Variants in ARSK observed in about 807,000 individuals in gnomAD.
The protein encoded by ARSK is arylsulfatase K.
ARSK carries 37 observed loss-of-function variants against 53.2 expected under a neutral mutation model. That is an observed-to-expected ratio of 0.70 (90% CI 0.54 to 0.92). The LOEUF is 0.92. ARSK is among the 40% of genes least tolerant of loss of function. ARSK has a pLI of 0.00. For missense variants in ARSK, 613 were observed against 643.0 expected (o/e 0.95, Z 0.51); for synonymous variants, 208 against 223.2 (o/e 0.93, Z 0.61).
At chr5:95,556,187 G>A (rs1325653488) in intron 1 of ARSK, 3 of 702,268 alleles carry the variant, frequency 4.3e-6, no homozygotes, top group Non-Finnish European at 7.8e-6. Flanking sequence ...GTAATCATAT[G>A]TTGTATTTCC....
chr5:95,595,134 T>C (rs1435767291), intron 6 of ARSK, among the ~76,000 whole-genome samples: 2 of 152,158 alleles, frequency 1.3e-5, no homozygotes, highest in African/African-American at 4.8e-5. Context: ...CACAATGAGA[T>C]AGCATCTCAT....
At chr5:95,566,557 C>CT (rs937546923) in intron 2 of ARSK, among the ~76,000 whole-genome samples, 2 of 152,074 alleles carry the variant, frequency 1.3e-5, no homozygotes, top group African/African-American at 4.8e-5. Context: ...TGAATTTTTT[C>CT]TTATTATTTC....
At chr5:95,561,890 T>G (rs1000164381) in intron 1 of ARSK, among the ~76,000 whole-genome samples, 2 of 152,190 alleles carry the variant, frequency 1.3e-5, no homozygotes, top group East Asian at 3.9e-4. Context: ...TTTAGTGTGT[T>G]AATTATATCT....
chr5:95,573,927 G>A (rs1188374260), intron 3 of ARSK, among the ~76,000 whole-genome samples: 2 of 152,090 alleles, frequency 1.3e-5, no homozygotes, highest in African/African-American at 4.8e-5. Context: ...ATTGACTATA[G>A]TCACCCTGTT....
At chr5:95,600,531 T>C in intron 6 of ARSK, 1 of 462,822 alleles carries the variant, frequency 2.2e-6, no homozygotes, top group Non-Finnish European at 4.1e-6. Flanking sequence ...CCAGGCATTG[T>C]CCTCAGAGTT....
At chr5:95,591,109 C>T (rs1445703482) in intron 5 of ARSK, among the ~76,000 whole-genome samples, 3 of 152,084 alleles carry the variant, frequency 2.0e-5, no homozygotes, top group Non-Finnish European at 4.4e-5. Context: ...AAGATTTTTT[C>T]CCCTATTCTC....
At position 95,604,476 on chromosome 5, in the gene ARSK, T is replaced by C. The variant is rs1749466951; in HGVS notation, c.*950T>C. 1 of 152,184 alleles carries C rather than the reference T, an allele frequency of 6.6e-6. No homozygotes were observed. The highest frequency in any genetic ancestry group is 2.4e-5 in the African/African-American group (1 of 41,456). 9.4% of individuals were successfully genotyped at this position (152,184 alleles called of 1,614,324 possible). ...ACAAATTTATAAACAAATGTATATA[T>C]TCCTTTCCCCCTACACAAACGGTAA... On this transcript the variant is annotated 3_prime_UTR_variant, in exon 8 of 8. Transcript: ENST00000380009.
chr5:95,597,720 C>T (rs906739134), intron 6 of ARSK, among the ~76,000 whole-genome samples: 1 of 152,022 alleles, frequency 6.6e-6, no homozygotes, highest in Non-Finnish European at 1.5e-5. Flanking sequence ...ATGGTGAAAC[C>T]CCGTTTCTAC....
intron 4 of ARSK, 131 bp downstream of exon 4, chr5:95,583,329 C>A: frequency 2.6e-6 from 2 of 771,256 alleles, no homozygotes; most frequent in South Asian, 3.3e-5. Flanking sequence ...TGACCAATAA[C>A]TAGTATGATA....
intron 1 of ARSK, chr5:95,556,347 C>T (rs867537378): frequency 6.1e-6 from 4 of 655,014 alleles, no homozygotes; most frequent in Middle Eastern, 2.5e-4. Context: ...TTACAGAGTG[C>T]TCTTGTAATC....
chr5:95,573,611 T>A (rs1748870907), intron 3 of ARSK, among the ~76,000 whole-genome samples: 1 of 152,250 alleles, frequency 6.6e-6, no homozygotes, highest in Admixed American at 6.5e-5. Context: ...TCCTAGCTTC[T>A]GTCTTGTTGA....
intron 3 of ARSK, chr5:95,581,014 T>C (rs1321881411): frequency 1.1e-6 from 1 of 909,252 alleles, no homozygotes; most frequent in South Asian, 1.5e-5. Flanking sequence ...TCATTTGTTA[T>C]AACTCTACTT....
chr5:95,591,533 A>G lies in ARSK; in HGVS notation c.1004A>G (p.His335Arg), dbSNP rs1749216392. Reference sequence around the variant, plus strand: ...ATGAGCATGTACGAGGCTAGTGCACATGTTCCGCTTTTGATGATGGGACCA... The same window carrying G: ...ATGAGCATGTACGAGGCTAGTGCACGTGTTCCGCTTTTGATGATGGGACCA... Reference protein sequence around the residue: ...YKMSMYEASAHVPLLMMGPGI... With the variant: ...YKMSMYEASARVPLLMMGPGI... The change falls in exon 6 of 8, where the codon CAT becomes CGT. Residue 335 changes from histidine to arginine, a missense_variant. Transcript: ENST00000380009. 5.6e-6 allele frequency: 9 copies of G among 1,614,038 alleles called. No individual in the cohort carries two copies. The highest frequency in any genetic ancestry group is 5.1e-6 in the Non-Finnish European group (6 of 1,180,032).
chr5:95,564,107 A>G (rs1464675336), intron 1 of ARSK, among the ~76,000 whole-genome samples: 1 of 151,144 alleles, frequency 6.6e-6, no homozygotes, highest in Non-Finnish European at 1.5e-5. Context: ...CCTCCCGAGT[A>G]GCTGGGATCA....
chr5:95,563,668 G>A (rs1453608818), intron 1 of ARSK, among the ~76,000 whole-genome samples: 1 of 152,222 alleles, frequency 6.6e-6, no homozygotes, highest in Non-Finnish European at 1.5e-5. Context: ...TTGATATGCT[G>A]CAGTAGTCAT....
Position 95,604,632 on chromosome 5 carries a change from C to T in ARSK, c.*1106C>T, listed in dbSNP as rs1158024404. The T allele has an allele frequency of 6.6e-6, 1 of 152,088 alleles. No individual in the cohort carries two copies. The highest frequency in any genetic ancestry group is 1.5e-5 in the Non-Finnish European group (1 of 68,004). 9.4% of individuals were successfully genotyped at this position (152,088 alleles called of 1,614,324 possible). ...AATTACACTAGATACTACAAATTAC[C>T]TCTAAAGAAGGTATACTAACTGATA... On this transcript the variant is annotated 3_prime_UTR_variant, in exon 8 of 8. Coordinates refer to ENST00000380009, the MANE Select transcript of ARSK (RefSeq NM_198150.3).
intron 7 of ARSK, 122 bp downstream of exon 7, chr5:95,601,193 G>C: frequency 1.0e-6 from 1 of 980,068 alleles, no homozygotes. Context: ...TCTCATGCTA[G>C]GACGATCTAC....
In ARSK at chr5:95,601,055, A is replaced by G. The variant is rs1450278869; in HGVS notation, c.1305A>G (p.Ile435Met). Reference protein sequence around the residue: ...KYIAYSDGASILPQLFDLSSD... With the variant: ...KYIAYSDGASMLPQLFDLSSD... ...TAGCCTATTCGGATGGTGCATCAAT[A>G]TTGCCTCAACTCTTTGGTAAGTTTG... is the stretch of plus-strand genomic sequence containing the variant. The change falls in exon 7 of 8, where the codon ATA becomes ATG. Residue 435 changes from isoleucine to methionine, a missense_variant. Transcript: ENST00000380009. The G allele has an allele frequency of 1.9e-6, 3 of 1,613,354 alleles. No homozygotes were observed. Among genetic ancestry groups the G allele is most frequent in the Admixed American group, 1.7e-5 (1 of 59,992 alleles).
intron 1 of ARSK, among the ~76,000 whole-genome samples, chr5:95,560,037 G>T (rs1409012281): frequency 6.6e-6 from 1 of 152,052 alleles, no homozygotes; most frequent in Non-Finnish European, 1.5e-5. Context: ...ATACTTAATT[G>T]ATTAACACAC....
Sources: gnomAD v4.1 joint callset for allele counts (sites outside exome capture counted in the v4.1 genomes callset) on GRCh38, gnomAD v4.1.1 for gene constraint, MANE v1.5 for transcripts, NCBI Gene and HGNC (gene_info 2026-07-23, HGNC 2026-07-21) for gene names.